The following GRID2 variants were observed in gnomAD, a reference collection of about 807,000 sequenced individuals.
GRID2 encodes the protein glutamate ionotropic receptor delta type subunit 2, also known as glutamate receptor ionotropic, delta-2.
Under a neutral mutation model 114.8 loss-of-function variants are expected in GRID2, and 33 were observed. The ratio of observed to expected loss-of-function variants is 0.29; its 90% CI spans 0.22 to 0.38. The LOEUF (loss-of-function observed/expected upper bound fraction) is 0.38, where lower values mean the gene tolerates loss of function less well. Ranked by LOEUF, GRID2 falls within the 10% of genes least tolerant of loss-of-function variation. The pLI, the probability that GRID2 is intolerant of heterozygous loss-of-function variation, is 1.00. For synonymous variants in GRID2, 505 were observed against 449.9 expected (o/e 1.12, Z -1.55); for missense variants, 1,184 against 1,257.7 (o/e 0.94, Z 0.89).
rs1176515627 is a variant in GRID2, at chr4:93,388,430, C to A, written c.1246-7177C>A. Reference sequence around the variant, plus strand: ...GTCGGGATCTTTTTTTATAACTCCCCTAGCGGTTCTGATAAGCTTTAGTCA... The same window carrying A: ...GTCGGGATCTTTTTTTATAACTCCCATAGCGGTTCTGATAAGCTTTAGTCA... On this transcript the variant is annotated intron_variant, in intron 8 of 15. Coordinates refer to ENST00000282020, the MANE Select transcript of GRID2 (RefSeq NM_001510.4). 3.3e-5 allele frequency among the ~76,000 whole-genome samples: 5 copies of A among 152,062 alleles called. No homozygotes were observed. The East Asian group carries it at 9.7e-4, about 29-fold the overall frequency.
At chr4:93,447,189 C>A (rs981400893) in intron 10 of GRID2, among the ~76,000 whole-genome samples, 2 of 151,736 alleles carry the variant, frequency 1.3e-5, no homozygotes, top group African/African-American at 4.8e-5. Flanking sequence ...ATAACAAAAG[C>A]ACTACATGTA....
At chr4:92,700,966 C>G (rs1734645378) in intron 2 of GRID2, among the ~76,000 whole-genome samples, 1 of 147,716 alleles carries the variant, frequency 6.8e-6, no homozygotes, top group Admixed American at 7.0e-5. Context: ...TGCACTCCAG[C>G]CTGGGCGACA....
At chr4:93,131,908 T>G (rs1291835704) in intron 4 of GRID2, among the ~76,000 whole-genome samples, 1 of 152,196 alleles carries the variant, frequency 6.6e-6, no homozygotes, top group Non-Finnish European at 1.5e-5. Context: ...TGTTAGTTGC[T>G]TAAACCGGGT....
At position 93,213,596 on chromosome 4, in the gene GRID2, A is replaced by G. The variant is rs1476759640; in HGVS notation, c.790-3142A>G. On this transcript the variant is annotated intron_variant, in intron 5 of 15. Transcript: ENST00000282020. Reference sequence around the variant, plus strand: ...GTATAAGAATGGGAAAAAGGAAACTATTCCTCTGAAATTGTTATTTTTAGT... The same window carrying G: ...GTATAAGAATGGGAAAAAGGAAACTGTTCCTCTGAAATTGTTATTTTTAGT... Among the ~76,000 whole-genome samples the G allele has an allele frequency of 3.3e-5, 5 of 152,158 alleles. No homozygotes were observed. The South Asian group carries it at 8.3e-4, about 25-fold the overall frequency.
chr4:93,609,246 C>T (rs1418723188), intron 13 of GRID2, among the ~76,000 whole-genome samples: 10 of 81,764 alleles, frequency 1.2e-4, no homozygotes, highest in African/African-American at 4.4e-4. Context: ...CAAAAATTTT[C>T]TCCCATGTTG....
At chr4:93,391,684 G>A (rs1202103673) in intron 8 of GRID2, among the ~76,000 whole-genome samples, 1 of 152,086 alleles carries the variant, frequency 6.6e-6, no homozygotes, top group East Asian at 1.9e-4. Context: ...GAAAAATAAT[G>A]TAAAACCCAA....
Position 93,042,722 on chromosome 4 carries a change from TAGAG to T in GRID2, c.245-42265_245-42262del, listed in dbSNP as rs890167388. 1.6e-4 allele frequency among the ~76,000 whole-genome samples: 23 copies of T among 146,110 alleles called. 1 individual carries two copies. Among genetic ancestry groups the T allele is most frequent in the African/African-American group, 4.5e-4 (18 of 40,160 alleles). On this transcript the variant is annotated intron_variant, in intron 2 of 15. Transcript: ENST00000282020. ...ATATATGCATATATATATAGATATATAGAGAGAGAGATAGAGAGATAAAATGAGA... is the reference window on the plus strand; with the variant it reads ...ATATATGCATATATATATAGATATATAGAGAGATAGAGAGATAAAATGAGA...
chr4:93,796,551 G>T (rs1234978749), intron 1 of GRID2, among the ~76,000 whole-genome samples: 1 of 152,006 alleles, frequency 6.6e-6, no homozygotes, highest in Non-Finnish European at 1.5e-5. Context: ...TTGTTTGTTT[G>T]TTTGTTTTTT....
intron 8 of GRID2, among the ~76,000 whole-genome samples, chr4:93,256,060 GA>G (rs1749547326): frequency 6.6e-6 from 1 of 151,926 alleles, no homozygotes; most frequent in South Asian, 2.1e-4. Context: ...CCTGATTGCT[GA>G]AATACAAAAT....
intron 1 of GRID2, among the ~76,000 whole-genome samples, chr4:92,409,570 T>C (rs1244933254): frequency 2.0e-5 from 3 of 152,146 alleles, no homozygotes; most frequent in Non-Finnish European, 2.9e-5. Flanking sequence ...ATTAGGACTA[T>C]AGAACATTCA....
chr4:92,947,469 C>G (rs1751722990), intron 2 of GRID2, among the ~76,000 whole-genome samples: 1 of 151,666 alleles, frequency 6.6e-6, no homozygotes, highest in South Asian at 2.1e-4. Context: ...ATATGTGCTA[C>G]TTATGGAAGA....
intron 2 of GRID2, among the ~76,000 whole-genome samples, chr4:92,650,373 T>A (rs62309197): frequency 1.3e-5 from 2 of 151,976 alleles, no homozygotes; most frequent in African/African-American, 4.8e-5. Context: ...TGGACTATTG[T>A]TAGTCCTGCT....
intron 1 of GRID2, among the ~76,000 whole-genome samples, chr4:92,475,402 T>C (rs1722257019): frequency 6.6e-6 from 1 of 151,406 alleles, no homozygotes; most frequent in African/African-American, 2.4e-5. Flanking sequence ...TTTCCAGCTT[T>C]CCTAGAATCA....
At chr4:93,079,164 A>G (rs1021589451) in intron 2 of GRID2, among the ~76,000 whole-genome samples, 2 of 151,756 alleles carry the variant, frequency 1.3e-5, no homozygotes, top group African/African-American at 4.8e-5. Flanking sequence ...ATATTTCATC[A>G]TTATCATTTT....
At chr4:93,256,179 G>A (rs1475914310) in intron 8 of GRID2, among the ~76,000 whole-genome samples, 1 of 151,858 alleles carries the variant, frequency 6.6e-6, no homozygotes, top group Non-Finnish European at 1.5e-5. Context: ...GATGGTAGAA[G>A]TAATATTCCC....
At chr4:93,202,042 A>G (rs929934481) in intron 4 of GRID2, among the ~76,000 whole-genome samples, 3 of 152,130 alleles carry the variant, frequency 2.0e-5, no homozygotes, top group Admixed American at 6.5e-5. Context: ...CTATATGAAC[A>G]TGTCATGCTC....
At chr4:92,696,942 T>C (rs1443534257) in intron 2 of GRID2, among the ~76,000 whole-genome samples, 2 of 152,184 alleles carry the variant, frequency 1.3e-5, no homozygotes, top group African/African-American at 2.4e-5. Flanking sequence ...AGGAATTTCA[T>C]ATAGCTGATT....
At chr4:92,917,525 A>C (rs1162970143) in intron 2 of GRID2, among the ~76,000 whole-genome samples, 4 of 152,168 alleles carry the variant, frequency 2.6e-5, no homozygotes, top group Admixed American at 2.6e-4. Context: ...TCGATCTTGA[A>C]TTAATTTTTG....
intron 14 of GRID2, among the ~76,000 whole-genome samples, chr4:93,628,892 A>C (rs1742985170): frequency 6.6e-6 from 1 of 151,622 alleles, no homozygotes; most frequent in Non-Finnish European, 1.5e-5. Context: ...CAGCCTCCCA[A>C]GTAGCTGGGA....
Sources: allele counts gnomAD v4.1 joint callset (sites outside exome capture counted in the v4.1 genomes callset), GRCh38; gene constraint gnomAD v4.1.1; transcripts MANE v1.5; gene names NCBI Gene and HGNC (gene_info 2026-07-23, HGNC 2026-07-21).